Variants in PTPRN2 observed in about 807,000 individuals in gnomAD.
PTPRN2 encodes the protein protein tyrosine phosphatase receptor type N2, also known as receptor-type tyrosine-protein phosphatase N2.
In PTPRN2, 74 loss-of-function variants were observed where a neutral mutation model predicts 118.8. The observed-to-expected ratio is 0.62, with a 90% confidence interval of 0.52 to 0.76. PTPRN2 has a LOEUF of 0.76. Ranked by LOEUF, PTPRN2 falls within the 30% of genes least tolerant of loss-of-function variation. The pLI, the probability that PTPRN2 is intolerant of heterozygous loss-of-function variation, is 0.00. For missense variants in PTPRN2, 1,481 were observed against 1,394.4 expected (o/e 1.06, Z -0.99); for synonymous variants, 641 against 608.0 (o/e 1.05, Z -0.80).
chr7:157,600,317 C>T (rs974044432), intron 16 of PTPRN2, among the ~76,000 whole-genome samples: 8 of 152,232 alleles, frequency 5.3e-5, no homozygotes, highest in East Asian at 1.9e-4. Flanking sequence ...TTGCATGAAA[C>T]GCTTTCTTGA....
intron 2 of PTPRN2, among the ~76,000 whole-genome samples, chr7:158,417,489 C>T (rs1440003757): frequency 1.3e-5 from 2 of 148,448 alleles, no homozygotes; most frequent in African/African-American, 5.1e-5. Context: ...TCGAGATGCT[C>T]TAGCTCTCAG....
At chr7:157,722,658 G>A (rs1213102923) in intron 12 of PTPRN2, among the ~76,000 whole-genome samples, 8 of 152,166 alleles carry the variant, frequency 5.3e-5, no homozygotes, top group South Asian at 2.1e-4. Context: ...ACTGCCTATC[G>A]CAGCATCCAG....
rs763583317 is a variant in PTPRN2 at position 158,544,083 on chromosome 7, C to T, written c.112+43475G>A. 2.0e-5 allele frequency among the ~76,000 whole-genome samples: 3 copies of T among 152,194 alleles called. No individual in the cohort carries two copies. Among genetic ancestry groups the T allele is most frequent in the Non-Finnish European group, 4.4e-5 (3 of 68,030 alleles). ...AGGAAGCAGAGGAGGCGGTGAGTGC[C>T]CCACGCTCAGGAGTGCACCCGGTGG... On this transcript the variant is annotated intron_variant, in intron 1 of 22. Transcript: ENST00000389418. The surrounding 1 kb of genome is among the most constrained non-coding windows in gnomAD (Gnocchi z 4.2).
In PTPRN2 at chr7:157,945,311, C is replaced by T. The variant is rs550344014; in HGVS notation, c.1724-46574G>A. ...GTTCTCCTTCCAGACTCACAGCCTC[C>T]GCCTGCTAGCTGCTCCCGGCCAACC... On this transcript the variant is annotated intron_variant, in intron 11 of 22. Coordinates refer to ENST00000389418, the MANE Select transcript of PTPRN2 (RefSeq NM_002847.5). Among the ~76,000 whole-genome samples, 461 of 152,258 alleles carry T rather than the reference C, an allele frequency of 3.0e-3. 12 individuals are homozygous for T. The South Asian group carries it at 0.045, about 15-fold the overall frequency.
At position 158,570,651 on chromosome 7, in the gene PTPRN2, G is replaced by A. The variant is rs1400883499; in HGVS notation, c.112+16907C>T. 1.3e-5 allele frequency among the ~76,000 whole-genome samples: 2 copies of A among 152,166 alleles called. No homozygotes were observed. Among genetic ancestry groups the A allele is most frequent in the Non-Finnish European group, 2.9e-5 (2 of 68,042 alleles). ...GAAGTGTCACCCGGCTTGCTGCGGC[G>A]TGTCTCCGCCGTAACACGTGTATAC... On this transcript the variant is annotated intron_variant, in intron 1 of 22. Coordinates refer to ENST00000389418, the MANE Select transcript of PTPRN2 (RefSeq NM_002847.5). This position sits in a 1 kb window ranked among gnomAD's most constrained non-coding sequence, Gnocchi z 4.5.
chr7:158,017,555 T>G (rs1585209088), intron 11 of PTPRN2, among the ~76,000 whole-genome samples: 1 of 152,120 alleles, frequency 6.6e-6, no homozygotes, highest in South Asian at 2.1e-4. Flanking sequence ...AAATGCCCCA[T>G]GAGAATTTAT....
At chr7:158,274,362 G>A (rs1586086479) in intron 3 of PTPRN2, among the ~76,000 whole-genome samples, 1 of 80,564 alleles carries the variant, frequency 1.2e-5, no homozygotes, top group Non-Finnish European at 2.5e-5. Context: ...AGACACAGGG[G>A]GAGCCGCAGA....
chr7:158,266,450 C>A (rs112087607), intron 3 of PTPRN2, among the ~76,000 whole-genome samples: 1 of 145,304 alleles, frequency 6.9e-6, no homozygotes, highest in Non-Finnish European at 1.5e-5. Flanking sequence ...GTGTCTGCTG[C>A]GGGGTGTTGT....
At chr7:157,783,363 C>T (rs866785607) in intron 12 of PTPRN2, among the ~76,000 whole-genome samples, 24 of 151,648 alleles carry the variant, frequency 1.6e-4, no homozygotes, top group African/African-American at 4.4e-4. Context: ...CACAGCACAC[C>T]GGGAGGGTCC....
At chr7:157,649,000 G>A (rs564235880) in intron 14 of PTPRN2, among the ~76,000 whole-genome samples, 10 of 143,064 alleles carry the variant, frequency 7.0e-5, no homozygotes, top group South Asian at 2.4e-4. Context: ...CACTGAACTC[G>A]GTGGGTCGGA....
rs1478989448 is a variant in PTPRN2, at chr7:158,336,750, A to C, written c.164-19818T>G. ...GAGCTGACGCCCGCAGACGTCACTCACACCCACAGTCTCACCATAAGAGGT... is the reference window on the plus strand; with the variant it reads ...GAGCTGACGCCCGCAGACGTCACTCCCACCCACAGTCTCACCATAAGAGGT... On this transcript the variant is annotated intron_variant, in intron 2 of 22. Coordinates refer to ENST00000389418, the MANE Select transcript of PTPRN2 (RefSeq NM_002847.5). Among the ~76,000 whole-genome samples, 10 of 106,252 alleles carry C rather than the reference A, an allele frequency of 9.4e-5. No individual in the cohort carries two copies. In the East Asian group the frequency reaches 3.0e-3, roughly 32 times the overall value. 69.7% of individuals were successfully genotyped at this position (106,252 alleles called of 152,430 possible).
chr7:157,886,298 C>T (rs532951885), intron 12 of PTPRN2, among the ~76,000 whole-genome samples: 1 of 152,258 alleles, frequency 6.6e-6, no homozygotes, highest in South Asian at 2.1e-4. Flanking sequence ...AGCCGTGTCC[C>T]TGCGACTGAA....
At chr7:157,748,080 G>C (rs1219784673) in intron 12 of PTPRN2, among the ~76,000 whole-genome samples, 1 of 129,764 alleles carries the variant, frequency 7.7e-6, no homozygotes, top group Admixed American at 8.1e-5. Context: ...TCTCTCAGCT[G>C]TGGGCTGTTG....
intron 6 of PTPRN2, among the ~76,000 whole-genome samples, chr7:158,165,838 G>A (rs1050483004): frequency 2.6e-5 from 4 of 152,158 alleles, no homozygotes; most frequent in African/African-American, 9.7e-5. Context: ...CCCTGGGCCC[G>A]CCCTGACGTG....
chr7:158,199,488 T>A (rs1826465736), intron 4 of PTPRN2, among the ~76,000 whole-genome samples: 1 of 152,220 alleles, frequency 6.6e-6, no homozygotes, highest in South Asian at 2.1e-4. Flanking sequence ...GGGCTGGGGA[T>A]TCTGAAGACT....
chr7:157,661,138 C>T (rs1352140395), intron 13 of PTPRN2, among the ~76,000 whole-genome samples: 2 of 152,270 alleles, frequency 1.3e-5, no homozygotes, highest in Admixed American at 6.5e-5. Context: ...TGCTGGTGCA[C>T]GGTGAGGGAG....
chr7:158,229,721 G>A (rs1829043642), intron 3 of PTPRN2, among the ~76,000 whole-genome samples: 1 of 151,876 alleles, frequency 6.6e-6, no homozygotes, highest in Non-Finnish European at 1.5e-5. Context: ...AATGAAGAGG[G>A]ATGAAGACCA....
intron 10 of PTPRN2, among the ~76,000 whole-genome samples, chr7:158,100,710 T>C (rs948096153): frequency 3.3e-5 from 5 of 152,242 alleles, no homozygotes; most frequent in Admixed American, 2.6e-4. Context: ...CTTTCAAGAA[T>C]TGTCTATTCA....
chr7:158,397,927 C>T (rs1229255752), intron 2 of PTPRN2, among the ~76,000 whole-genome samples: 3 of 152,098 alleles, frequency 2.0e-5, no homozygotes, highest in Non-Finnish European at 2.9e-5. Flanking sequence ...GAACGTAAAT[C>T]GAGGTGTGCA....
Sources: allele counts gnomAD v4.1 joint callset (sites outside exome capture counted in the v4.1 genomes callset), GRCh38; gene constraint gnomAD v4.1.1; non-coding constraint Gnocchi (gnomAD v3.1); transcripts MANE v1.5; gene names NCBI Gene and HGNC (gene_info 2026-07-23, HGNC 2026-07-21).